CTIF: variants seen among roughly 807,000 people sequenced by gnomAD.
CTIF encodes the protein CBP80/20-dependent translation initiation factor.
A neutral mutation model predicts 66.0 loss-of-function variants in CTIF; 21 were observed. That is an observed-to-expected ratio of 0.32 (90% CI 0.23 to 0.46). The LOEUF (loss-of-function observed/expected upper bound fraction) is 0.46. Among genes scored for constraint, CTIF ranks in the 20% least tolerant of loss-of-function variants. The pLI is 1.00. For missense variants in CTIF, 739 were observed against 812.7 expected (o/e 0.91, Z 1.10); for synonymous variants, 345 against 326.4 (o/e 1.06, Z -0.62).
intron 7 of CTIF, among the ~76,000 whole-genome samples, chr18:48,716,352 G>A (rs2092281923): frequency 6.6e-6 from 1 of 152,222 alleles, no homozygotes; most frequent in Admixed American, 6.5e-5. Context: ...CAGCCATCCT[G>A]GGAGATGCTC....
intron 1 of CTIF, among the ~76,000 whole-genome samples, chr18:48,599,152 C>T (rs1426745067): frequency 6.6e-6 from 1 of 152,134 alleles, no homozygotes; most frequent in Non-Finnish European, 1.5e-5. Flanking sequence ...AGCAGTGTTG[C>T]TGGAGGAGTC....
At chr18:48,828,581 T>G (rs760730061) in intron 10 of CTIF, among the ~76,000 whole-genome samples, 7 of 152,310 alleles carry the variant, frequency 4.6e-5, no homozygotes, top group Non-Finnish European at 1.0e-4. Context: ...TGAAAACAAT[T>G]TAAATTCACA....
intron 10 of CTIF, among the ~76,000 whole-genome samples, chr18:48,840,244 C>A (rs944054855): frequency 6.6e-6 from 1 of 152,132 alleles, no homozygotes; most frequent in East Asian, 1.9e-4. Context: ...TGTGAACAGA[C>A]GAGTTTGGGT....
In CTIF at chr18:48,619,645, T is replaced by G. The variant is rs778847957; in HGVS notation, c.80T>G (p.Phe27Cys). 6.2e-7 allele frequency: 1 copy of G among 1,606,762 alleles called. No individual in the cohort carries two copies. The highest frequency in any genetic ancestry group is 8.5e-7 in the Non-Finnish European group (1 of 1,176,930). The stretch of plus-strand genomic sequence containing the variant: ...CAGGAGATCGAGGAGCTGGAGCGCT[T>G]CATCGACAGCTACGTGCTGGAGTAC... Reference protein sequence around the residue: ...RSQEIEELERFIDSYVLEYQV... With the variant: ...RSQEIEELERCIDSYVLEYQV... Residue 27 changes from phenylalanine (F) to cysteine (C), a missense_variant, in exon 2 of 12, where the codon TTC (phenylalanine) becomes TGC (cysteine). By Grantham distance (205) the Phe-to-Cys change is radical. Coordinates refer to ENST00000256413, the MANE Select transcript of CTIF (RefSeq NM_014772.3).
At chr18:48,643,111 C>T (rs950881211) in intron 3 of CTIF, among the ~76,000 whole-genome samples, 1 of 152,144 alleles carries the variant, frequency 6.6e-6, no homozygotes, top group Non-Finnish European at 1.5e-5. Flanking sequence ...TTCTTTCCCT[C>T]TTCTTCTTCA....
intron 5 of CTIF, among the ~76,000 whole-genome samples, chr18:48,669,572 C>G (rs1412455366): frequency 6.6e-6 from 1 of 151,746 alleles, no homozygotes; most frequent in Non-Finnish European, 1.5e-5. Context: ...ACCCTCCTGC[C>G]TCTTTGCCTA....
chr18:48,721,413 G>A (rs1300331831), intron 7 of CTIF, among the ~76,000 whole-genome samples: 1 of 152,186 alleles, frequency 6.6e-6, no homozygotes, highest in Admixed American at 6.5e-5. Context: ...TGAAATGCTA[G>A]GCATTTGAGG....
chr18:48,766,413 G>A (rs552079763), intron 9 of CTIF, among the ~76,000 whole-genome samples: 1 of 152,290 alleles, frequency 6.6e-6, no homozygotes, highest in South Asian at 2.1e-4. Flanking sequence ...CAGTGTGATG[G>A]TCAGAGTGGA....
intron 9 of CTIF, among the ~76,000 whole-genome samples, chr18:48,801,565 G>A (rs1203661409): frequency 6.6e-6 from 1 of 152,222 alleles, no homozygotes; most frequent in African/African-American, 2.4e-5. Context: ...GCTTCAGGCC[G>A]AGTCATTCTG....
chr18:48,584,604 C>T (rs1437848778), intron 1 of CTIF, among the ~76,000 whole-genome samples: 1 of 152,126 alleles, frequency 6.6e-6, no homozygotes, highest in Non-Finnish European at 1.5e-5. Context: ...AAACAGAAGC[C>T]CAGAGAGGTT....
intron 10 of CTIF, among the ~76,000 whole-genome samples, chr18:48,847,224 C>G (rs1440521883): frequency 6.7e-6 from 1 of 150,066 alleles, no homozygotes; most frequent in Non-Finnish European, 1.5e-5. Context: ...AGGAGAATCG[C>G]TTGAACCCGG....
intron 1 of CTIF, among the ~76,000 whole-genome samples, chr18:48,576,450 A>G (rs927164131): frequency 6.6e-6 from 1 of 152,180 alleles, no homozygotes; most frequent in African/African-American, 2.4e-5. Flanking sequence ...CTGTCTGCCC[A>G]TTTAGGCGCT....
intron 3 of CTIF, among the ~76,000 whole-genome samples, chr18:48,648,666 G>A (rs1287837987): frequency 6.6e-6 from 1 of 152,166 alleles, no homozygotes; most frequent in Non-Finnish European, 1.5e-5. Context: ...CTGGCCCATA[G>A]GAAGCCTCTG....
chr18:48,748,893 A>T (rs964523230), intron 7 of CTIF, among the ~76,000 whole-genome samples: 1 of 152,130 alleles, frequency 6.6e-6, no homozygotes, highest in Non-Finnish European at 1.5e-5. Context: ...CCCCAGACAG[A>T]CCCCTCTGTT....
At chr18:48,776,251 C>G (rs1042702424) in intron 9 of CTIF, among the ~76,000 whole-genome samples, 6 of 152,254 alleles carry the variant, frequency 3.9e-5, no homozygotes, top group Admixed American at 6.5e-5. Flanking sequence ...CCATATGCCC[C>G]CATGTGCCCC....
At chr18:48,544,792 C>G (rs540019415) in intron 1 of CTIF, among the ~76,000 whole-genome samples, 2 of 152,182 alleles carry the variant, frequency 1.3e-5, no homozygotes, top group African/African-American at 2.4e-5. Context: ...GCAGTCGGTG[C>G]GAGCTTCACA....
rs1479366596 is a variant in CTIF at position 48,614,380 on chromosome 18, A to T, written c.-28-5158A>T. Among the ~76,000 whole-genome samples, 4 of 152,302 alleles carry T rather than the reference A, an allele frequency of 2.6e-5. No individual in the cohort carries two copies. In the East Asian group the frequency reaches 7.7e-4, roughly 29 times the overall value. On this transcript the variant is annotated intron_variant, in intron 1 of 11. Coordinates refer to ENST00000256413, the MANE Select transcript of CTIF (RefSeq NM_014772.3). ...TGGATACCCCAAAGAATAAACAGGG[A>T]CTCAGAGGGATCGTTGTACACTCAT...
intron 7 of CTIF, among the ~76,000 whole-genome samples, chr18:48,713,761 A>G (rs1035728671): frequency 3.3e-5 from 5 of 152,236 alleles, no homozygotes; most frequent in African/African-American, 4.8e-5. Flanking sequence ...CCATGTCCAC[A>G]GGGACCCAGA....
At chr18:48,553,794 T>C (rs576568989) in intron 1 of CTIF, among the ~76,000 whole-genome samples, 1 of 151,664 alleles carries the variant, frequency 6.6e-6, no homozygotes, top group East Asian at 2.0e-4. Flanking sequence ...TAGCTGGGGC[T>C]ACAGGTGCCC....
Sources: gnomAD v4.1 joint callset for allele counts (sites outside exome capture counted in the v4.1 genomes callset) on GRCh38, gnomAD v4.1.1 for gene constraint, MANE v1.5 for transcripts, NCBI Gene and HGNC (gene_info 2026-07-23, HGNC 2026-07-21) for gene names.